RNFT2: variants seen among roughly 807,000 people sequenced by gnomAD.
RNFT2 encodes E3 ubiquitin-protein ligase RNFT2.
Under a neutral mutation model 53.0 loss-of-function variants are expected in RNFT2, and 36 were observed. That is an observed-to-expected ratio of 0.68 (90% CI 0.52 to 0.90). The LOEUF (loss-of-function observed/expected upper bound fraction) is 0.90, where lower values mean the gene tolerates loss of function less well. Among genes scored for constraint, RNFT2 ranks in the 40% least tolerant of loss-of-function variants. The pLI, the probability that RNFT2 is intolerant of heterozygous loss-of-function variation, is 0.00. For missense variants in RNFT2, 514 were observed against 585.6 expected (o/e 0.88, Z 1.26); for synonymous variants, 260 against 253.2 (o/e 1.03, Z -0.26).
intron 7 of RNFT2, among the ~76,000 whole-genome samples, chr12:116,817,397 G>T (rs1247840354): frequency 6.6e-6 from 1 of 152,138 alleles, no homozygotes. Flanking sequence ...CAATCCTCAT[G>T]CCTCAACCTC....
At chr12:116,825,151 C>T (rs1353772044) in intron 7 of RNFT2, among the ~76,000 whole-genome samples, 1 of 152,130 alleles carries the variant, frequency 6.6e-6, no homozygotes, top group Admixed American at 6.5e-5. Context: ...CAGTTCTCAC[C>T]GTTGGCTGGT....
chr12:116,755,990 A>G lies in RNFT2; in HGVS notation c.627+1930A>G, dbSNP rs376691025. 24 of 683,966 alleles carry G rather than the reference A, an allele frequency of 3.5e-5. No homozygotes were observed. The African/African-American group carries it at 3.9e-4, about 11-fold the overall frequency. 42.4% of individuals were successfully genotyped at this position (683,966 alleles called of 1,614,324 possible). ...TGGCCTTATAGTATAGGTTGAAATC[A>G]GGTAGTGTGATGCCTCCAGCTTTTT... On this transcript the variant is annotated intron_variant, in intron 5 of 10. Transcript: ENST00000257575.
chr12:116,752,639 A>G (rs961450205), intron 4 of RNFT2, among the ~76,000 whole-genome samples: 10 of 152,150 alleles, frequency 6.6e-5, no homozygotes, highest in Admixed American at 6.6e-4. Flanking sequence ...GCACTTTGGG[A>G]AGCTGAAGTG....
chr12:116,812,883 G>A (rs10735098), intron 7 of RNFT2, among the ~76,000 whole-genome samples: 122,525 of 152,054 alleles, frequency 0.81, 50,934 homozygotes, highest in Non-Finnish European at 0.91. Context: ...AAGAGTTTCA[G>A]TACCTTGTCC....
intron 7 of RNFT2, among the ~76,000 whole-genome samples, chr12:116,795,485 A>G (rs1874461205): frequency 6.6e-6 from 1 of 152,088 alleles, no homozygotes; most frequent in Admixed American, 6.6e-5. Context: ...TGTCTAATAT[A>G]GTAGCTACAG....
At chr12:116,766,598 A>G (rs1872923467) in intron 5 of RNFT2, among the ~76,000 whole-genome samples, 2 of 152,188 alleles carry the variant, frequency 1.3e-5, no homozygotes, top group African/African-American at 4.8e-5. Context: ...CTTTCTAGAT[A>G]GTTTTTCAAG....
intron 7 of RNFT2, among the ~76,000 whole-genome samples, chr12:116,812,451 A>C (rs1345255562): frequency 6.6e-6 from 1 of 152,036 alleles, no homozygotes; most frequent in Non-Finnish European, 1.5e-5. Context: ...TACTGAAAGC[A>C]GACTTGTCAC....
chr12:116,836,043 G>A lies in RNFT2; in HGVS notation c.1098+18G>A. 1 of 1,613,850 alleles carries A rather than the reference G, an allele frequency of 6.2e-7. No homozygotes were observed. Among genetic ancestry groups the A allele is most frequent in the Non-Finnish European group, 8.5e-7 (1 of 1,179,748 alleles). ...CCTCTCAGGTGAGTTGGCTTCAGGT[G>A]GTCCCCACCAGGGTCCTGAGAATCA... On this transcript the variant is annotated intron_variant, in intron 9 of 10. Coordinates refer to ENST00000257575, the MANE Select transcript of RNFT2 (RefSeq NM_001382266.1).
At chr12:116,831,095 C>G (rs146945188) in intron 7 of RNFT2, among the ~76,000 whole-genome samples, 1,814 of 151,656 alleles carry the variant, frequency 0.012, 34 homozygotes, top group African/African-American at 0.041. Flanking sequence ...TGCAATGGCT[C>G]ATGCCTATAA....
intron 7 of RNFT2, among the ~76,000 whole-genome samples, chr12:116,811,782 G>A (rs1202398982): frequency 3.3e-5 from 5 of 152,208 alleles, no homozygotes; most frequent in Non-Finnish European, 7.3e-5. Context: ...GCAGCCCACC[G>A]AGGCTTTGCT....
chr12:116,742,994 T>C (rs1400759597), intron 3 of RNFT2, among the ~76,000 whole-genome samples: 1 of 146,218 alleles, frequency 6.8e-6, no homozygotes, highest in Non-Finnish European at 1.5e-5. Flanking sequence ...GGTGGGAGGA[T>C]TGCTTGAGCC....
intron 7 of RNFT2, among the ~76,000 whole-genome samples, chr12:116,828,413 A>C (rs909375645): frequency 3.3e-5 from 5 of 152,182 alleles, no homozygotes; most frequent in African/African-American, 1.2e-4. Flanking sequence ...AACTTCTCTT[A>C]GACTTTGTTG....
At chr12:116,746,134 G>C (rs1437170844) in intron 3 of RNFT2, among the ~76,000 whole-genome samples, 1 of 152,204 alleles carries the variant, frequency 6.6e-6, no homozygotes, top group Non-Finnish European at 1.5e-5. Context: ...CTACTCGGGA[G>C]GCTGAGGCAT....
chr12:116,806,817 G>A (rs1164191943), intron 7 of RNFT2, among the ~76,000 whole-genome samples: 1 of 149,884 alleles, frequency 6.7e-6, no homozygotes, highest in East Asian at 2.0e-4. Context: ...CTGTTGCTAT[G>A]AAGAGCTGCA....
At chr12:116,840,414 G>T (rs1877191105) in intron 10 of RNFT2, among the ~76,000 whole-genome samples, 1 of 152,144 alleles carries the variant, frequency 6.6e-6, no homozygotes, top group African/African-American at 2.4e-5. Context: ...GATGCCATTG[G>T]CCATGCCCAT....
At chr12:116,744,870 C>T (rs1871821282) in intron 3 of RNFT2, among the ~76,000 whole-genome samples, 1 of 152,048 alleles carries the variant, frequency 6.6e-6, no homozygotes, top group South Asian at 2.1e-4. Context: ...TCAAGGGGGA[C>T]AGGATGGCTT....
intron 7 of RNFT2, among the ~76,000 whole-genome samples, chr12:116,779,798 C>T (rs553463252): frequency 6.6e-6 from 1 of 152,302 alleles, no homozygotes; most frequent in East Asian, 1.9e-4. Context: ...ATGTCTGCCA[C>T]AGACCCTGCA....
intron 2 of RNFT2, chr12:116,740,754 G>A (rs1431172372): frequency 4.8e-6 from 3 of 629,558 alleles, no homozygotes; most frequent in Non-Finnish European, 8.6e-6. Flanking sequence ...GCACCTCTTG[G>A]CTGCACAGTT....
At chr12:116,787,242 C>T (rs1873975395) in intron 7 of RNFT2, among the ~76,000 whole-genome samples, 2 of 152,356 alleles carry the variant, frequency 1.3e-5, no homozygotes, top group African/African-American at 4.8e-5. Flanking sequence ...CCCGTGGCTA[C>T]TTCTGAGGAC....
Sources: allele counts gnomAD v4.1 joint callset (sites outside exome capture counted in the v4.1 genomes callset), GRCh38; gene constraint gnomAD v4.1.1; transcripts MANE v1.5; gene names NCBI Gene and HGNC (gene_info 2026-07-23, HGNC 2026-07-21).